Variants in NSD2 observed in about 807,000 individuals in gnomAD.
NSD2 encodes nuclear receptor binding SET domain protein 2.
In NSD2, 12 loss-of-function variants were observed where a neutral mutation model predicts 139.0. The ratio of observed to expected loss-of-function variants is 0.09; its 90% CI spans 0.06 to 0.14. The LOEUF (loss-of-function observed/expected upper bound fraction) is 0.14, where lower values mean the gene tolerates loss of function less well. Among genes scored for constraint, NSD2 ranks in the 10% least tolerant of loss-of-function variants. NSD2 has a pLI of 1.00. For synonymous variants in NSD2, 669 were observed against 648.7 expected (o/e 1.03, Z -0.48); for missense variants, 1,155 against 1,745.0 (o/e 0.66, Z 6.02).
Position 1,974,794 on chromosome 4 carries a change from G to A in NSD2, c.3373-69G>A, listed in dbSNP as rs1265331124. On this transcript the variant is annotated intron_variant, in intron 18 of 21. Transcript: ENST00000508803. This position sits in a 1 kb window ranked among gnomAD's most constrained non-coding sequence, Gnocchi z 4.0. ...AACTTGTTCAATGTGCTTTATGATG[G>A]TGAAAATTCCCTTTAAAAATAACAT... 23 of 1,603,944 alleles carry A rather than the reference G, an allele frequency of 1.4e-5. No individual in the cohort carries two copies. The East Asian group carries it at 5.1e-4, about 36-fold the overall frequency.
chr4:1,969,541 TAAAAA>T (rs35256815), intron 18 of NSD2, among the ~76,000 whole-genome samples: 1 of 132,616 alleles, frequency 7.5e-6, no homozygotes. Context: ...TTGTCTCTAC[TAAAAA>T]AAAAAAAAAA....
intron 6 of NSD2, among the ~76,000 whole-genome samples, chr4:1,931,914 TGAAG>T (rs1232351252): frequency 2.0e-5 from 3 of 152,230 alleles, no homozygotes; most frequent in African/African-American, 7.2e-5. Flanking sequence ...CAGCTCTTCC[TGAAG>T]CCAGATTCAG....
intron 3 of NSD2, among the ~76,000 whole-genome samples, chr4:1,913,231 G>A (rs1415012048): frequency 2.0e-5 from 3 of 152,186 alleles, no homozygotes; most frequent in East Asian, 1.9e-4. Context: ...TAGCGGTAAC[G>A]CCAGTGCCTG....
intron 2 of NSD2, among the ~76,000 whole-genome samples, 189 bp from the exon 3 acceptor site, chr4:1,904,027 C>T (rs1259647009): frequency 6.6e-6 from 1 of 152,196 alleles, no homozygotes; most frequent in Non-Finnish European, 1.5e-5. Flanking sequence ...AGCCACCGCA[C>T]CTGGCCTGAG....
intron 5 of NSD2, among the ~76,000 whole-genome samples, chr4:1,924,303 G>A (rs373166571): frequency 1.1e-4 from 17 of 152,208 alleles, no homozygotes; most frequent in African/African-American, 3.9e-4. Flanking sequence ...CTAGGCCTGC[G>A]CAGGGTTGGT....
Position 1,903,585 on chromosome 4 carries a change from C to T in NSD2, c.598-631C>T, listed in dbSNP as rs564271988. 3.3e-5 allele frequency among the ~76,000 whole-genome samples: 5 copies of T among 152,214 alleles called. No individual in the cohort carries two copies. The East Asian group carries it at 9.7e-4, about 29-fold the overall frequency. On this transcript the variant is annotated intron_variant, in intron 2 of 21. Transcript: ENST00000508803. ...TGGATTTGGAATTCTGTGAGAATTC[C>T]TTTTCGACCAGTTGAATAAAGTACC...
chr4:1,911,766 A>C (rs1718724818), intron 3 of NSD2, among the ~76,000 whole-genome samples: 1 of 152,090 alleles, frequency 6.6e-6, no homozygotes, highest in African/African-American at 2.4e-5. Flanking sequence ...GAAACCCATA[A>C]AAATAGTAGA....
At chr4:1,946,263 T>A in intron 9 of NSD2, 2 of 927,038 alleles carry the variant, frequency 2.2e-6, no homozygotes, top group Non-Finnish European at 2.6e-6. Context: ...TATTTATTAT[T>A]TATTTATTTA....
intron 3 of NSD2, among the ~76,000 whole-genome samples, chr4:1,905,877 T>TC (rs1717827750): frequency 6.6e-6 from 1 of 152,212 alleles, no homozygotes; most frequent in South Asian, 2.1e-4. Flanking sequence ...CCCCAGGGCC[T>TC]CTAGACTCGG....
chr4:1,948,900 C>A lies in NSD2; in HGVS notation c.1882-2172C>A, dbSNP rs373272646. The A allele has an allele frequency of 1.3e-6, 1 of 776,252 alleles. No individual in the cohort carries two copies. The highest frequency in any genetic ancestry group is 1.6e-6 in the Non-Finnish European group (1 of 630,820). 48.1% of individuals were successfully genotyped at this position (776,252 alleles called of 1,614,324 possible). A position where few individuals can be genotyped will look rare whatever the true frequency, so the allele number is the denominator to read the frequency against. On this transcript the variant is annotated intron_variant, in intron 9 of 21. Coordinates refer to ENST00000508803, the MANE Select transcript of NSD2 (RefSeq NM_001042424.3). The surrounding 1 kb of genome is among the most constrained non-coding windows in gnomAD (Gnocchi z 4.5). ...TTAAAGCTTTTTAAGTTTGTTCCAC[C>A]ACGTTAAGGGAAGAGCATGGGTTGG...
chr4:1,980,403 GC>G lies in NSD2; in HGVS notation c.*1495del, dbSNP rs1334965826. ...AGGGAGAGAACATTCAGCAGCAGGT[GC>G]TTTTTTATGGCCTTTTCTTAAAATA... On this transcript the variant is annotated 3_prime_UTR_variant, in exon 22 of 22. Transcript: ENST00000508803. 4.3e-6 allele frequency: 1 copy of G among 233,046 alleles called. No individual in the cohort carries two copies. Among genetic ancestry groups the G allele is most frequent in the Non-Finnish European group, 8.5e-6 (1 of 118,006 alleles). 14.4% of individuals were successfully genotyped at this position (233,046 alleles called of 1,614,324 possible).
At chr4:1,960,817 C>T (rs1725290250) in intron 17 of NSD2, among the ~76,000 whole-genome samples, 1 of 152,174 alleles carries the variant, frequency 6.6e-6, no homozygotes, top group African/African-American at 2.4e-5. Context: ...ATTGCCACTT[C>T]GTGAATACTT....
intron 7 of NSD2, among the ~76,000 whole-genome samples, chr4:1,936,310 G>A (rs932795361): frequency 1.3e-5 from 2 of 152,118 alleles, no homozygotes; most frequent in African/African-American, 2.4e-5. Context: ...TCAGATGTCC[G>A]GTTAACTTTT....
In NSD2 at chr4:1,941,729, A is replaced by G. The variant is rs951014447; in HGVS notation, c.1881+1951A>G. 4.8e-6 allele frequency: 5 copies of G among 1,047,044 alleles called. No homozygotes were observed. The South Asian group carries it at 1.8e-4, about 38-fold the overall frequency. The allele number at this position is 1,047,044 out of a possible 1,614,324, so 64.9% of individuals were successfully genotyped here. Reference sequence around the variant, plus strand: ...ATTACTGGGTCTTTTCCATTAAACTACTTTTGTATGGCTTAGATAAATCTT... The same window carrying G: ...ATTACTGGGTCTTTTCCATTAAACTGCTTTTGTATGGCTTAGATAAATCTT... On this transcript the variant is annotated intron_variant, in intron 9 of 21. Transcript: ENST00000508803.
At position 1,923,095 on chromosome 4, in the gene NSD2, A is replaced by C. The variant is rs563397813; in HGVS notation, c.1410+4472A>C. Among the ~76,000 whole-genome samples the C allele has an allele frequency of 6.6e-5, 10 of 152,282 alleles. No homozygotes were observed. In the East Asian group the frequency reaches 1.9e-3, roughly 29 times the overall value. On this transcript the variant is annotated intron_variant, in intron 5 of 21. Transcript: ENST00000508803. ...ACCACTGTGATTTATGAACTTGGCCAGCATGGGAGAGGAGCTTTGTCACCA... is the reference window on the plus strand; with the variant it reads ...ACCACTGTGATTTATGAACTTGGCCCGCATGGGAGAGGAGCTTTGTCACCA...
Position 1,918,299 on chromosome 4 carries a change from G to A in NSD2, c.1086G>A (p.Glu362=), listed in dbSNP as rs769268150. 3.1e-6 allele frequency: 5 copies of A among 1,613,950 alleles called. No individual in the cohort carries two copies. The highest frequency in any genetic ancestry group is 4.2e-6 in the Non-Finnish European group (5 of 1,180,034). ...ATCTCAACCCTCAAGTAGCCAAGGAGGCTGGCATTGCTGCAGAGTCTTTGG... is the reference window on the plus strand; with the variant it reads ...ATCTCAACCCTCAAGTAGCCAAGGAAGCTGGCATTGCTGCAGAGTCTTTGG... ...QLHLNPQVAK[E]AGIAAESLGE... The change falls in exon 5 of 22, where the codon GAG becomes GAA. Residue 362 remains glutamate, a synonymous_variant. Coordinates refer to ENST00000508803, the MANE Select transcript of NSD2 (RefSeq NM_001042424.3).
At position 1,952,104 on chromosome 4, in the gene NSD2, G is replaced by A. The variant is rs746513080; in HGVS notation, c.2014-4G>A. 6.2e-6 allele frequency: 10 copies of A among 1,613,756 alleles called. No homozygotes were observed. Among genetic ancestry groups the A allele is most frequent in the Middle Eastern group, 3.3e-4 (2 of 6,044 alleles). On this transcript the variant is annotated splice_polypyrimidine_tract_variant and splice_region_variant and intron_variant, in intron 10 of 21. Transcript: ENST00000508803. ...CTGCTTACCCGCCTGCTCTGCCCCC[G>A]CAGCTGTGTGAGAAGCCGGGCAGCC... is the stretch of plus-strand genomic sequence containing the variant.
intron 1 of NSD2, among the ~76,000 whole-genome samples, chr4:1,897,627 A>G (rs1716541388): frequency 6.6e-6 from 1 of 152,070 alleles, no homozygotes; most frequent in Admixed American, 6.6e-5. Context: ...AAAAAATTTT[A>G]TTTTTATTTT....
rs753748334 is a variant in NSD2 at position 1,900,862 on chromosome 4, G to A, written c.208G>A (p.Ala70Thr). 6.8e-6 allele frequency: 11 copies of A among 1,613,348 alleles called. No individual in the cohort carries two copies. The highest frequency in any genetic ancestry group is 7.6e-6 in the Non-Finnish European group (9 of 1,179,588). The change falls in exon 2 of 22, where the codon GCC (alanine) becomes ACC (threonine). Residue 70 changes from alanine to threonine, a missense_variant. Around this residue, in one of 8 missense-constraint regions of NSD2, gnomAD observed 246 missense variants for 262.8 expected, o/e 0.94. Coordinates refer to ENST00000508803, the MANE Select transcript of NSD2 (RefSeq NM_001042424.3). Reference sequence around the variant, plus strand: ...CATGCAGAAGTTTAACGGCCACGACGCCCTGCCCTTTATTCCAGCCGACAA... The same window carrying A: ...CATGCAGAAGTTTAACGGCCACGACACCCTGCCCTTTATTCCAGCCGACAA... ...GVMQKFNGHD[A>T]LPFIPADKLK... is the part of the protein sequence containing the mutation.
Sources: gnomAD v4.1 joint callset for allele counts (sites outside exome capture counted in the v4.1 genomes callset) on GRCh38, gnomAD v4.1.1 for gene constraint, gnomAD v4.1.1 regional missense constraint, Gnocchi (gnomAD v3.1) non-coding constraint, MANE v1.5 for transcripts, NCBI Gene and HGNC (gene_info 2026-07-23, HGNC 2026-07-21) for gene names.